PIK3AP1: variants seen among roughly 807,000 people sequenced by gnomAD.
The protein encoded by PIK3AP1 is phosphoinositide 3-kinase adapter protein 1.
PIK3AP1 carries 21 observed loss-of-function variants against 88.1 expected under a neutral mutation model. The observed-to-expected ratio is 0.24, with a 90% CI of 0.17 to 0.34. PIK3AP1 has a LOEUF of 0.34. PIK3AP1 is among the 10% of genes least tolerant of loss of function. The pLI is 1.00. For synonymous variants in PIK3AP1, 398 were observed against 400.0 expected, an observed-to-expected ratio of 1.00 and a Z score of 0.06; for missense variants, 828 against 1,035.7, an observed-to-expected ratio of 0.80 and a Z score of 2.75.
In PIK3AP1 at chr10:96,611,066, C is replaced by T. The variant is rs772000930; in HGVS notation, c.2015-1199G>A. Among the ~76,000 whole-genome samples, 10 of 152,282 alleles carry T rather than the reference C, an allele frequency of 6.6e-5. No homozygotes were observed. The South Asian group carries it at 2.1e-3, about 32-fold the overall frequency. On this transcript the variant is annotated intron_variant, in intron 13 of 16. Coordinates refer to ENST00000339364, the MANE Select transcript of PIK3AP1 (RefSeq NM_152309.3). Reference sequence around the variant, plus strand: ...GCAGAGGTGGCTCCACCTACCAAAGCCAGAAATCTGGCAGGGTGAATGGAT... The same window carrying T: ...GCAGAGGTGGCTCCACCTACCAAAGTCAGAAATCTGGCAGGGTGAATGGAT...
rs192869764 is a variant in PIK3AP1 at position 96,619,932 on chromosome 10, A to G, written c.1941+420T>C. Among the ~76,000 whole-genome samples, 6 of 152,314 alleles carry G rather than the reference A, an allele frequency of 3.9e-5. No individual in the cohort carries two copies. In the East Asian group the frequency reaches 7.7e-4, roughly 20 times the overall value. On this transcript the variant is annotated intron_variant, in intron 12 of 16. Transcript: ENST00000339364. ...TGCAACTTGTTTTGTTCATTTAATC[A>G]TATTTCTTGGGAGTTTTCCAAGTTC...
At chr10:96,697,103 T>C (rs530642768) in intron 2 of PIK3AP1, among the ~76,000 whole-genome samples, 2 of 152,212 alleles carry the variant, frequency 1.3e-5, no homozygotes, top group Non-Finnish European at 2.9e-5. Context: ...CTTATTCTCT[T>C]ACTGATTGTC....
At chr10:96,597,355 CCTCTCT>C (rs767744163) in intron 16 of PIK3AP1, among the ~76,000 whole-genome samples, 4 of 34,240 alleles carry the variant, frequency 1.2e-4, no homozygotes, top group Admixed American at 9.7e-4. Flanking sequence ...TCCCTCCCTC[CCTCTCT>C]CTCTCTCTCT....
intron 8 of PIK3AP1, among the ~76,000 whole-genome samples, chr10:96,640,599 A>G (rs72818998): frequency 0.028 from 4,265 of 152,296 alleles, 121 homozygotes; most frequent in Non-Finnish European, 0.034. Context: ...TGTCCTTAAT[A>G]AAGACATTTT....
intron 2 of PIK3AP1, among the ~76,000 whole-genome samples, chr10:96,679,831 A>C (rs766655683): frequency 2.0e-5 from 3 of 152,174 alleles, no homozygotes; most frequent in Admixed American, 6.5e-5. Flanking sequence ...ACTTCACAAC[A>C]AGGTCCAGAG....
At chr10:96,620,231 A>G in intron 12 of PIK3AP1, 121 bp downstream of exon 12, 2 of 1,053,212 alleles carry the variant, frequency 1.9e-6, no homozygotes, top group South Asian at 2.9e-5. Context: ...AAACTCAAAC[A>G]TTCGCAGGCA....
chr10:96,690,564 G>T (rs1298102898), intron 2 of PIK3AP1, among the ~76,000 whole-genome samples: 3 of 152,140 alleles, frequency 2.0e-5, no homozygotes, highest in Admixed American at 2.0e-4. Context: ...CAGCCCAAAA[G>T]TCCAAAATTA....
At position 96,600,828 on chromosome 10, in the gene PIK3AP1, T is replaced by A. The variant is rs570700096; in HGVS notation, c.2360+1452A>T. 7.9e-5 allele frequency among the ~76,000 whole-genome samples: 12 copies of A among 152,330 alleles called. No individual in the cohort carries two copies. The South Asian group carries it at 2.5e-3, about 32-fold the overall frequency. On this transcript the variant is annotated intron_variant, in intron 16 of 16. Transcript: ENST00000339364. ...CCATTAACACATGAACATTTTATTT[T>A]AAACATCGAAGAGTTAACTCCTCAG... is the stretch of plus-strand genomic sequence containing the variant.
rs1564961141 is a variant in PIK3AP1 at position 96,628,875 on chromosome 10, C to CACACACACATATATACATATAT, written c.1376-383_1376-382insATATATGTATATATGTGTGTGT. Among the ~76,000 whole-genome samples the CACACACACATATATACATATAT allele has an allele frequency of 3.0e-4, 27 of 90,882 alleles. 5 individuals are homozygous for CACACACACATATATACATATAT. Among genetic ancestry groups the CACACACACATATATACATATAT allele is most frequent in the South Asian group, 3.6e-4 (1 of 2,742 alleles). 59.6% of individuals were successfully genotyped at this position (90,882 alleles called of 152,430 possible). A position where few individuals can be genotyped will look rare whatever the true frequency, so the allele number is the denominator to read the frequency against. ...ATATATACACACACACATATATACA[C>CACACACACATATATACATATAT]ATATATATATATACATATATATATA... On this transcript the variant is annotated intron_variant, in intron 8 of 16. Coordinates refer to ENST00000339364, the MANE Select transcript of PIK3AP1 (RefSeq NM_152309.3).
intron 16 of PIK3AP1, 117 bp from the exon 17 acceptor site, chr10:96,595,751 A>T: frequency 1.1e-6 from 1 of 928,460 alleles, no homozygotes; most frequent in Non-Finnish European, 1.7e-6. Context: ...CCTCAATGAG[A>T]CAGGACACAC....
chr10:96,713,313 C>T (rs868430984), intron 1 of PIK3AP1, among the ~76,000 whole-genome samples: 9 of 149,998 alleles, frequency 6.0e-5, no homozygotes, highest in Admixed American at 1.3e-4. Context: ...CTGGCTAACA[C>T]GGTGAAACCC....
intron 6 of PIK3AP1, among the ~76,000 whole-genome samples, chr10:96,649,848 G>A (rs984341461): frequency 3.9e-5 from 6 of 152,290 alleles, no homozygotes; most frequent in East Asian, 3.9e-4. Flanking sequence ...GGGTCCCCAC[G>A]GACCCCCTCC....
chr10:96,694,186 A>C lies in PIK3AP1; in HGVS notation c.430+15381T>G, dbSNP rs1021303442. ...CCTCTGGATACTCCTGGCATTAAGT[A>C]ATAGGGTAACACTGTTTAGTGTCCC... On this transcript the variant is annotated intron_variant, in intron 2 of 16. Transcript: ENST00000339364. Among the ~76,000 whole-genome samples, 5 of 152,180 alleles carry C rather than the reference A, an allele frequency of 3.3e-5. No homozygotes were observed. The East Asian group carries it at 9.6e-4, about 29-fold the overall frequency.
At chr10:96,664,105 GTC>G (rs1843729814) in intron 2 of PIK3AP1, among the ~76,000 whole-genome samples, 1 of 152,168 alleles carries the variant, frequency 6.6e-6, no homozygotes, top group South Asian at 2.1e-4. Flanking sequence ...ATTTCCAGAA[GTC>G]TCTCTTAAGG....
chr10:96,665,326 G>A (rs985459381), intron 2 of PIK3AP1, among the ~76,000 whole-genome samples: 1 of 152,202 alleles, frequency 6.6e-6, no homozygotes, highest in Admixed American at 6.5e-5. Flanking sequence ...GAGAACTTGA[G>A]TGCTTTCTCT....
chr10:96,633,464 G>A (rs1345986551), intron 8 of PIK3AP1, among the ~76,000 whole-genome samples: 3 of 152,142 alleles, frequency 2.0e-5, no homozygotes, highest in African/African-American at 4.8e-5. Flanking sequence ...GTAATAGTAC[G>A]TATCTCCCAG....
intron 10 of PIK3AP1, among the ~76,000 whole-genome samples, chr10:96,626,369 A>G (rs1843153424): frequency 6.6e-6 from 1 of 152,234 alleles, no homozygotes; most frequent in Non-Finnish European, 1.5e-5. Context: ...CGTGTTCCAG[A>G]TAGAGCATTC....
At chr10:96,717,923 A>C (rs1464320309) in intron 1 of PIK3AP1, among the ~76,000 whole-genome samples, 1 of 152,222 alleles carries the variant, frequency 6.6e-6, no homozygotes, top group Non-Finnish European at 1.5e-5. Flanking sequence ...TTCAGAAAAC[A>C]ATATAGACTA....
chr10:96,606,134 C>T (rs1371456134), intron 14 of PIK3AP1, among the ~76,000 whole-genome samples: 1 of 151,968 alleles, frequency 6.6e-6, no homozygotes, highest in East Asian at 1.9e-4. Context: ...TCTTTCTACT[C>T]GTTACCCATA....
Sources: gnomAD v4.1 joint callset for allele counts (sites outside exome capture counted in the v4.1 genomes callset) on GRCh38, gnomAD v4.1.1 for gene constraint, MANE v1.5 for transcripts, NCBI Gene and HGNC (gene_info 2026-07-23, HGNC 2026-07-21) for gene names.